The following ANKS1B variants were observed in gnomAD, a reference collection of about 807,000 sequenced individuals.
The protein encoded by ANKS1B is ankyrin repeat and sterile alpha motif domain containing 1B, also known as ankyrin repeat and sterile alpha motif domain-containing protein 1B.
Under a neutral mutation model 148.3 loss-of-function variants are expected in ANKS1B, and 36 were observed. That is an observed-to-expected ratio of 0.24 (90% CI 0.19 to 0.32). The LOEUF (loss-of-function observed/expected upper bound fraction) is 0.32. Ranked by LOEUF, ANKS1B falls within the 10% of genes least tolerant of loss-of-function variation. The pLI is 1.00. For missense variants in ANKS1B, 1,157 were observed against 1,542.6 expected (o/e 0.75, Z 4.19); for synonymous variants, 542 against 560.8 (o/e 0.97, Z 0.47).
intron 8 of ANKS1B, among the ~76,000 whole-genome samples, chr12:99,703,341 A>G (rs996911652): frequency 6.6e-6 from 1 of 152,146 alleles, no homozygotes; most frequent in African/African-American, 2.4e-5. Context: ...ATAGTAAATG[A>G]AACATCATGT....
chr12:99,766,477 C>T (rs2062655000), intron 8 of ANKS1B, among the ~76,000 whole-genome samples: 1 of 152,026 alleles, frequency 6.6e-6, no homozygotes. Context: ...AAAAACTTAC[C>T]CTTCTGATTC....
chr12:99,977,310 T>C (rs574536111), intron 1 of ANKS1B, among the ~76,000 whole-genome samples: 1 of 152,036 alleles, frequency 6.6e-6, no homozygotes, highest in Admixed American at 6.6e-5. Context: ...CACCTGGCCA[T>C]TTTGTTTTGT....
intron 1 of ANKS1B, among the ~76,000 whole-genome samples, chr12:99,853,377 C>G (rs1455930522): frequency 1.3e-5 from 2 of 152,168 alleles, no homozygotes; most frequent in African/African-American, 2.4e-5. Flanking sequence ...GTATTCACAG[C>G]TGAGAGACTT....
intron 12 of ANKS1B, among the ~76,000 whole-genome samples, chr12:99,321,122 G>A (rs920549066): frequency 7.2e-5 from 11 of 152,186 alleles, no homozygotes; most frequent in Admixed American, 2.6e-4. Context: ...CCTACTGGGA[G>A]GTGTCTCCCA....
At chr12:99,407,074 A>G (rs1251237456) in intron 11 of ANKS1B, among the ~76,000 whole-genome samples, 1 of 146,130 alleles carries the variant, frequency 6.8e-6, no homozygotes, top group Non-Finnish European at 1.5e-5. Flanking sequence ...AGACACATCA[A>G]AAACAGAAAA....
Position 98,831,966 on chromosome 12 carries a change from G to A in ANKS1B, c.2886+63C>T, listed in dbSNP as rs2099320608. 7 of 1,439,008 alleles carry A rather than the reference G, an allele frequency of 4.9e-6. No homozygotes were observed. In the East Asian group the frequency reaches 1.7e-4, roughly 36 times the overall value. The allele number at this position is 1,439,008 out of a possible 1,614,324, so 89.1% of individuals were successfully genotyped here. Reference sequence around the variant, plus strand: ...AGGGTCTCACCATGTTGGCCAGGCTGGTCTCAAACAAATAGTTCTTAAGAT... The same window carrying A: ...AGGGTCTCACCATGTTGGCCAGGCTAGTCTCAAACAAATAGTTCTTAAGAT... On this transcript the variant is annotated intron_variant, in intron 18 of 26. Transcript: ENST00000683438.
chr12:99,814,621 G>C (rs1006945532), intron 2 of ANKS1B, among the ~76,000 whole-genome samples: 33 of 151,678 alleles, frequency 2.2e-4, no homozygotes, highest in Non-Finnish European at 4.9e-4. Context: ...AACAAAAGCA[G>C]ATAAGGAAAG....
chr12:99,264,132 C>T (rs2251945), intron 12 of ANKS1B, among the ~76,000 whole-genome samples: 147,095 of 152,186 alleles, frequency 0.97, 71,125 homozygotes, highest in East Asian at 1. Flanking sequence ...ATTTAAAATT[C>T]CCTTCTAAAA....
chr12:99,541,290 T>C (rs1339544562), intron 9 of ANKS1B, among the ~76,000 whole-genome samples: 1 of 152,148 alleles, frequency 6.6e-6, no homozygotes. Context: ...TTTAGGAATC[T>C]TGTATTACAC....
intron 9 of ANKS1B, among the ~76,000 whole-genome samples, chr12:99,573,488 G>A (rs145820790): frequency 6.6e-6 from 1 of 152,060 alleles, no homozygotes; most frequent in Non-Finnish European, 1.5e-5. Context: ...AATTTATAGT[G>A]ATACTCACAC....
chr12:98,872,610 GTGTCCTATTGA>G (rs544265588), intron 17 of ANKS1B, among the ~76,000 whole-genome samples: 130 of 152,292 alleles, frequency 8.5e-4, no homozygotes, highest in Admixed American at 1.7e-3. Context: ...CATAAAACTG[GTGTCCTATTGA>G]GATTAAAACA....
intron 11 of ANKS1B, among the ~76,000 whole-genome samples, chr12:99,402,237 C>A (rs1320052187): frequency 6.9e-6 from 1 of 145,930 alleles, no homozygotes; most frequent in Non-Finnish European, 1.5e-5. Context: ...CTCTTACTCT[C>A]CTAATGATGT....
intron 14 of ANKS1B, among the ~76,000 whole-genome samples, chr12:99,226,515 G>A (rs1160457816): frequency 6.6e-6 from 1 of 152,120 alleles, no homozygotes; most frequent in Non-Finnish European, 1.5e-5. Context: ...ATATTGTCTA[G>A]GGTATATATC....
intron 17 of ANKS1B, among the ~76,000 whole-genome samples, chr12:98,839,395 G>GTATATATGTATGTATC (rs5800369): frequency 4.0e-5 from 6 of 151,506 alleles, no homozygotes; most frequent in African/African-American, 1.5e-4. Context: ...ATGTATGTAT[G>GTATATATGTATGTATC]TATCTATCTT....
intron 9 of ANKS1B, among the ~76,000 whole-genome samples, chr12:99,577,303 A>G (rs1238684176): frequency 6.9e-6 from 1 of 144,636 alleles, no homozygotes; most frequent in Non-Finnish European, 1.5e-5. Flanking sequence ...AAATAAATAA[A>G]TAAATAAATA....
At chr12:99,634,334 T>C (rs1306240827) in intron 9 of ANKS1B, among the ~76,000 whole-genome samples, 1 of 152,096 alleles carries the variant, frequency 6.6e-6, no homozygotes, top group Non-Finnish European at 1.5e-5. Context: ...CCCCTCACCA[T>C]GTGAGGCCCT....
intron 3 of ANKS1B, 51 bp downstream of exon 3, chr12:99,812,104 C>A: frequency 6.4e-7 from 1 of 1,573,678 alleles, no homozygotes; most frequent in Middle Eastern, 1.7e-4. Flanking sequence ...TATGGCTTTG[C>A]CTTGTAAAAC....
intron 17 of ANKS1B, among the ~76,000 whole-genome samples, chr12:98,858,366 C>T (rs2099582337): frequency 6.6e-6 from 1 of 152,192 alleles, no homozygotes; most frequent in East Asian, 1.9e-4. Context: ...AATTTTGAGA[C>T]AGTGTCTTGC....
intron 9 of ANKS1B, among the ~76,000 whole-genome samples, chr12:99,526,356 T>C (rs1054844451): frequency 2.0e-5 from 3 of 152,292 alleles, no homozygotes; most frequent in East Asian, 1.9e-4. Context: ...ACAGGTGGGA[T>C]TGATAAACTA....
Sources: gnomAD v4.1 joint callset for allele counts (sites outside exome capture counted in the v4.1 genomes callset) on GRCh38, gnomAD v4.1.1 for gene constraint, MANE v1.5 for transcripts, NCBI Gene and HGNC (gene_info 2026-07-23, HGNC 2026-07-21) for gene names.